The following TRPC3 variants were observed in gnomAD, a reference collection of about 807,000 sequenced individuals.
The protein encoded by TRPC3 is short transient receptor potential channel 3.
TRPC3 carries 54 observed loss-of-function variants against 90.9 expected under a neutral mutation model. The observed-to-expected ratio is 0.59, with a 90% confidence interval of 0.48 to 0.75. The LOEUF is 0.75. Among genes scored for constraint, TRPC3 ranks in the 30% least tolerant of loss-of-function variants. TRPC3 has a pLI of 0.00. For synonymous variants in TRPC3, 424 were observed against 450.9 expected, an observed-to-expected ratio of 0.94 and a Z score of 0.75; for missense variants, 918 against 1,194.5, an observed-to-expected ratio of 0.77 and a Z score of 3.41.
intron 10 of TRPC3, among the ~76,000 whole-genome samples, chr4:121,896,747 C>T (rs1382773867): frequency 1.3e-5 from 2 of 152,062 alleles, no homozygotes; most frequent in Non-Finnish European, 2.9e-5. Context: ...CAATGCAACT[C>T]CTATCAAAAT....
intron 10 of TRPC3, among the ~76,000 whole-genome samples, chr4:121,895,821 G>A (rs1728499789): frequency 6.6e-6 from 1 of 151,992 alleles, no homozygotes; most frequent in Non-Finnish European, 1.5e-5. Context: ...AAAGCAGAAG[G>A]AATTCTTCTT....
At chr4:121,928,949 C>T (rs1354432758) in intron 2 of TRPC3, among the ~76,000 whole-genome samples, 1 of 152,192 alleles carries the variant, frequency 6.6e-6, no homozygotes, top group African/African-American at 2.4e-5. Flanking sequence ...TGAAGCCAGA[C>T]TTCCTGGGTT....
intron 1 of TRPC3, among the ~76,000 whole-genome samples, chr4:121,943,678 G>A (rs946299136): frequency 1.3e-5 from 2 of 151,908 alleles, no homozygotes; most frequent in Non-Finnish European, 2.9e-5. Flanking sequence ...AACTTCTACT[G>A]ACCCAAGAGA....
Position 121,879,647 on chromosome 4 carries a change from T to C in TRPC3, c.*89A>G. ...TGATAAAGGTAGTTAATACTAAAAA[T>C]TTACATCATAGTTTTTCAAGTATTT... On this transcript the variant is annotated 3_prime_UTR_variant, in exon 12 of 12. Transcript: ENST00000379645. 2 of 1,444,576 alleles carry C rather than the reference T, an allele frequency of 1.4e-6. No homozygotes were observed. Among genetic ancestry groups the C allele is most frequent in the Non-Finnish European group, 1.9e-6 (2 of 1,071,376 alleles). The allele number at this position is 1,444,576 out of a possible 1,614,324, so 89.5% of individuals were successfully genotyped here. A position where few individuals can be genotyped will look rare whatever the true frequency, so the allele number is the denominator to read the frequency against.
rs779090300 is a variant in TRPC3, at chr4:121,929,600, C to T, written c.987+2671G>A. Among the ~76,000 whole-genome samples, 26 of 152,152 alleles carry T rather than the reference C, an allele frequency of 1.7e-4. No homozygotes were observed. The South Asian group carries it at 2.5e-3, about 15-fold the overall frequency. ...AAATATTTCTTTAATAACCTGTCAC[C>T]GAGCTATCCTCCATTAATTTATCTA... is the stretch of plus-strand genomic sequence containing the variant. On this transcript the variant is annotated intron_variant, in intron 2 of 11. Transcript: ENST00000379645.
At chr4:121,915,296 C>T (rs1729270360) in intron 3 of TRPC3, among the ~76,000 whole-genome samples, 1 of 152,154 alleles carries the variant, frequency 6.6e-6, no homozygotes, top group South Asian at 2.1e-4. Flanking sequence ...TGTTGGCCAG[C>T]TTACTTGCAT....
Position 121,951,432 on chromosome 4 carries a change from C to T in TRPC3, c.215+34G>A. ...CCGCCCCCCGCCCGGCACCGCCCTC[C>T]GAGGCGCGGGCCGCGGCCGGGCCCG... On this transcript the variant is annotated intron_variant, in intron 1 of 11. Coordinates refer to ENST00000379645, the MANE Select transcript of TRPC3 (RefSeq NM_001130698.2). The surrounding 1 kb of genome is among the most constrained non-coding windows in gnomAD (Gnocchi z 4.4). 1 of 1,180,926 alleles carries T rather than the reference C, an allele frequency of 8.5e-7. No individual in the cohort carries two copies. The highest frequency in any genetic ancestry group is 1.0e-6 in the Non-Finnish European group (1 of 954,590). 73.2% of individuals were successfully genotyped at this position (1,180,926 alleles called of 1,614,324 possible).
At chr4:121,948,702 G>T (rs1730576839) in intron 1 of TRPC3, among the ~76,000 whole-genome samples, 3 of 152,254 alleles carry the variant, frequency 2.0e-5, no homozygotes, top group East Asian at 1.9e-4. Context: ...GGGAAAGAGA[G>T]GGCTTGAATT....
At chr4:121,901,569 T>C (rs1317357494) in intron 9 of TRPC3, among the ~76,000 whole-genome samples, 1 of 152,236 alleles carries the variant, frequency 6.6e-6, no homozygotes, top group East Asian at 1.9e-4. Context: ...CAGCGTTGCA[T>C]GAGGTTCAAA....
At position 121,914,960 on chromosome 4, in the gene TRPC3, G is replaced by T. The variant is rs542111337; in HGVS notation, c.1177-16C>A. On this transcript the variant is annotated splice_polypyrimidine_tract_variant and intron_variant, in intron 3 of 11. Coordinates refer to ENST00000379645, the MANE Select transcript of TRPC3 (RefSeq NM_001130698.2). Reference sequence around the variant, plus strand: ...GAGCCACAAACTATTGGGAGAGAGAGAGTTTGAGAAGGGGAGAGAAAGGTA... The same window carrying T: ...GAGCCACAAACTATTGGGAGAGAGATAGTTTGAGAAGGGGAGAGAAAGGTA... 2.2e-5 allele frequency: 34 copies of T among 1,581,332 alleles called. No individual in the cohort carries two copies. In the South Asian group the frequency reaches 3.4e-4, roughly 16 times the overall value.
chr4:121,896,521 A>G (rs1264866427), intron 10 of TRPC3, among the ~76,000 whole-genome samples: 3 of 152,106 alleles, frequency 2.0e-5, no homozygotes, highest in African/African-American at 7.2e-5. Flanking sequence ...CACGAACAAC[A>G]AACTACTTGA....
chr4:121,930,103 G>C (rs1356443843), intron 2 of TRPC3, among the ~76,000 whole-genome samples: 4 of 152,084 alleles, frequency 2.6e-5, no homozygotes. Flanking sequence ...GGGGAGAAAG[G>C]TGAAAGAAAG....
In TRPC3 at chr4:121,932,909, G is replaced by C. The variant is rs1730001266; in HGVS notation, c.349C>G (p.Leu117Val). The C allele has an allele frequency of 6.2e-7, 1 of 1,614,108 alleles. No individual in the cohort carries two copies. The highest frequency in any genetic ancestry group is 8.5e-7 in the Non-Finnish European group (1 of 1,179,996). ...TSLTAEEERF[L>V]DAAEYGNIPV... ...ATGTTGCCGTACTCGGCGGCGTCGA[G>C]GAAGCGCTCCTCCTCGGCGGTGAGG... The change falls in exon 2 of 12, where the codon CTC (leucine) becomes GTC (valine). Residue 117 changes from leucine (L) to valine (V), a missense_variant. Coordinates refer to ENST00000379645, the MANE Select transcript of TRPC3 (RefSeq NM_001130698.2). The surrounding 1 kb of genome is among the most constrained non-coding windows in gnomAD (Gnocchi z 7.7).
intron 6 of TRPC3, 104 bp downstream of exon 6, chr4:121,910,050 A>AATACACCTCTCATACTAAAC: frequency 2.4e-6 from 2 of 833,094 alleles, no homozygotes; most frequent in Non-Finnish European, 3.8e-6. Flanking sequence ...ATAAATATTC[A>AATACACCTCTCATACTAAAC]ATACACCTCT....
At chr4:121,907,249 A>G in intron 7 of TRPC3, 54 bp downstream of exon 7, 4 of 1,494,274 alleles carry the variant, frequency 2.7e-6, no homozygotes, top group Non-Finnish European at 3.6e-6. Context: ...TGCTTCCTCT[A>G]GATTGGTTAG....
At chr4:121,939,529 A>G (rs940622610) in intron 1 of TRPC3, among the ~76,000 whole-genome samples, 2 of 152,230 alleles carry the variant, frequency 1.3e-5, no homozygotes, top group African/African-American at 4.8e-5. Context: ...CAAGATGTGG[A>G]TTCAATAAGG....
rs1283817084 is a variant in TRPC3 at position 121,933,303 on chromosome 4, GAAT to G, written c.216-264_216-262del. 5 of 528,212 alleles carry G rather than the reference GAAT, an allele frequency of 9.5e-6. No homozygotes were observed. The Admixed American group carries it at 1.3e-4, about 14-fold the overall frequency. 32.7% of individuals were successfully genotyped at this position (528,212 alleles called of 1,614,324 possible). On this transcript the variant is annotated intron_variant, in intron 1 of 11. Transcript: ENST00000379645. ...TTCTCTAGAAAATGATATTCAGATG[GAAT>G]AATAATAAAAATTTCCATATACCCA...
At chr4:121,910,485 G>A (rs985522597) in intron 5 of TRPC3, 98 bp from the exon 6 acceptor site, 8 of 875,428 alleles carry the variant, frequency 9.1e-6, no homozygotes, top group African/African-American at 1.6e-5. Context: ...TACCCTACAC[G>A]TCAAGCACAG....
At chr4:121,916,415 G>A (rs1729319714) in intron 3 of TRPC3, among the ~76,000 whole-genome samples, 1 of 152,174 alleles carries the variant, frequency 6.6e-6, no homozygotes, top group African/African-American at 2.4e-5. Flanking sequence ...CAGAGGTGGT[G>A]AGAATAAATT....
Sources: allele counts gnomAD v4.1 joint callset (sites outside exome capture counted in the v4.1 genomes callset), GRCh38; gene constraint gnomAD v4.1.1; non-coding constraint Gnocchi (gnomAD v3.1); transcripts MANE v1.5; gene names NCBI Gene and HGNC (gene_info 2026-07-23, HGNC 2026-07-21).